The following SUMF1 variants were observed in gnomAD, a reference collection of about 807,000 sequenced individuals.
SUMF1 encodes the protein formylglycine-generating enzyme.
A neutral mutation model predicts 47.6 loss-of-function variants in SUMF1; 48 were observed. The ratio of observed to expected loss-of-function variants is 1.01; its 90% confidence interval spans 0.80 to 1.28. The LOEUF is 1.28. Among genes scored for constraint, SUMF1 ranks in the 50% most tolerant of loss-of-function variants. SUMF1 has a pLI of 0.00. For missense variants in SUMF1, 571 were observed against 485.4 expected (o/e 1.18, Z -1.66); for synonymous variants, 230 against 192.1 (o/e 1.20, Z -1.63).
chr3:4,134,929 T>A (rs916486534), intron 8 of SUMF1, among the ~76,000 whole-genome samples: 2 of 152,124 alleles, frequency 1.3e-5, no homozygotes, highest in East Asian at 3.9e-4. Flanking sequence ...CAGGACGAAG[T>A]TGAATCTCTG....
intron 8 of SUMF1, among the ~76,000 whole-genome samples, chr3:4,327,210 G>C (rs1698964163): frequency 6.6e-6 from 1 of 152,146 alleles, no homozygotes; most frequent in African/African-American, 2.4e-5. Context: ...TCCTCTATTA[G>C]TTCAGTCCCA....
chr3:4,275,940 A>G (rs530974633), intron 8 of SUMF1, among the ~76,000 whole-genome samples: 1 of 152,294 alleles, frequency 6.6e-6, no homozygotes, highest in South Asian at 2.1e-4. Flanking sequence ...CTGGATCATT[A>G]AAAAATATTT....
intron 9 of SUMF1, among the ~76,000 whole-genome samples, chr3:4,037,557 A>T (rs1262608504): frequency 2.0e-5 from 3 of 152,088 alleles, no homozygotes; most frequent in Non-Finnish European, 4.4e-5. Flanking sequence ...CTCCTGTATC[A>T]TTTTTTTGCG....
chr3:4,157,556 C>A (rs1694483101), intron 8 of SUMF1, among the ~76,000 whole-genome samples: 1 of 151,498 alleles, frequency 6.6e-6, no homozygotes, highest in Admixed American at 6.6e-5. Context: ...AATCACATAT[C>A]ACTGGAAGGG....
At chr3:4,209,092 C>T (rs1695718453) in intron 8 of SUMF1, among the ~76,000 whole-genome samples, 1 of 152,120 alleles carries the variant, frequency 6.6e-6, no homozygotes, top group African/African-American at 2.4e-5. Flanking sequence ...TCACAAGATT[C>T]TCCAGTTAAA....
chr3:4,308,355 G>C (rs771310042), intron 8 of SUMF1, among the ~76,000 whole-genome samples: 2 of 152,098 alleles, frequency 1.3e-5, no homozygotes, highest in Non-Finnish European at 2.9e-5. Flanking sequence ...AGCTTTTTAA[G>C]CCAGTTCTGT....
At chr3:4,235,050 C>T (rs1696379207) in intron 8 of SUMF1, among the ~76,000 whole-genome samples, 1 of 152,054 alleles carries the variant, frequency 6.6e-6, no homozygotes. Context: ...AATTTGAAGA[C>T]AGTAACACCA....
chr3:4,456,673 CGT>C (rs1491438468), intron 1 of SUMF1, among the ~76,000 whole-genome samples: 3 of 124,724 alleles, frequency 2.4e-5, no homozygotes, highest in African/African-American at 9.3e-5. Context: ...TATATATATA[CGT>C]GTATATATAT....
At chr3:4,449,212 A>C (rs1253795269) in intron 3 of SUMF1, 54 bp downstream of exon 3, 1 of 1,602,150 alleles carries the variant, frequency 6.2e-7, no homozygotes. Context: ...TTTCACCCAA[A>C]CCCTTTTCAA....
At chr3:4,266,915 T>C (rs1212756437) in intron 8 of SUMF1, among the ~76,000 whole-genome samples, 6 of 151,444 alleles carry the variant, frequency 4.0e-5, no homozygotes, top group African/African-American at 1.2e-4. Context: ...ACCTAATTTA[T>C]TGAGAGTTTT....
At chr3:4,115,232 A>G (rs898047637) in intron 8 of SUMF1, among the ~76,000 whole-genome samples, 1 of 152,048 alleles carries the variant, frequency 6.6e-6, no homozygotes, top group Non-Finnish European at 1.5e-5. Context: ...GCCAGTCTCC[A>G]GGGGAAGATC....
chr3:4,449,169 A>C, intron 3 of SUMF1, 97 bp downstream of exon 3: 1 of 1,286,398 alleles, frequency 7.8e-7, no homozygotes, highest in Non-Finnish European at 1.1e-6. Flanking sequence ...TAGGTGTTAC[A>C]GGGAGAGGAA....
intron 8 of SUMF1, chr3:4,313,762 G>T (rs1162787178): frequency 6.2e-7 from 1 of 1,614,000 alleles, no homozygotes; most frequent in South Asian, 1.1e-5. Flanking sequence ...GACCCTTGAG[G>T]TGAGTCTGTT....
At chr3:4,219,095 T>A (rs1229984655) in intron 8 of SUMF1, among the ~76,000 whole-genome samples, 1 of 152,088 alleles carries the variant, frequency 6.6e-6, no homozygotes, top group African/African-American at 2.4e-5. Flanking sequence ...CACTCCCCCA[T>A]ACCACCCCCA....
intron 8 of SUMF1, among the ~76,000 whole-genome samples, chr3:4,180,947 C>T (rs1559543630): frequency 6.6e-6 from 1 of 152,162 alleles, no homozygotes; most frequent in Non-Finnish European, 1.5e-5. Context: ...CAAGGAAAAA[C>T]ATGCTTACAA....
intron 8 of SUMF1, among the ~76,000 whole-genome samples, chr3:4,140,850 GA>G (rs1204077696): frequency 6.6e-6 from 1 of 151,800 alleles, no homozygotes; most frequent in African/African-American, 2.4e-5. Flanking sequence ...TTTCATTGAA[GA>G]AAATAAACCT....
At chr3:4,047,567 T>C (rs557696577) in intron 9 of SUMF1, among the ~76,000 whole-genome samples, 5 of 152,290 alleles carry the variant, frequency 3.3e-5, no homozygotes, top group Admixed American at 1.3e-4. Flanking sequence ...GGGGAGGTCA[T>C]GGAGAGCCAG....
intron 8 of SUMF1, among the ~76,000 whole-genome samples, chr3:4,310,661 G>C (rs1321110529): frequency 6.6e-6 from 1 of 152,146 alleles, no homozygotes; most frequent in East Asian, 1.9e-4. Flanking sequence ...AATATATCAT[G>C]AGATTCTTCA....
intron 1 of SUMF1, among the ~76,000 whole-genome samples, chr3:4,457,073 TAC>T (rs1288232961): frequency 1.6e-5 from 2 of 122,908 alleles, no homozygotes; most frequent in African/African-American, 5.3e-5. Flanking sequence ...TATATATATA[TAC>T]GTGTGTGTAT....
Sources: gnomAD v4.1 joint callset for allele counts (sites outside exome capture counted in the v4.1 genomes callset) on GRCh38, gnomAD v4.1.1 for gene constraint, MANE v1.5 for transcripts, NCBI Gene and HGNC (gene_info 2026-07-23, HGNC 2026-07-21) for gene names.